Variants in ASCC3 observed in about 807,000 individuals in gnomAD.
ASCC3 encodes activating signal cointegrator 1 complex subunit 3, also known as ASC-1 complex subunit P200.
A neutral mutation model predicts 256.3 loss-of-function variants in ASCC3; 158 were observed. The ratio of observed to expected loss-of-function variants is 0.62; its 90% CI spans 0.54 to 0.70. The LOEUF is 0.70. Ranked by LOEUF, ASCC3 falls within the 30% of genes least tolerant of loss-of-function variation. The pLI, the probability that ASCC3 is intolerant of heterozygous loss-of-function variation, is 0.00. For synonymous variants in ASCC3, 948 were observed against 883.4 expected (o/e 1.07, Z -1.30); for missense variants, 2,259 against 2,626.0 (o/e 0.86, Z 3.05).
intron 30 of ASCC3, among the ~76,000 whole-genome samples, chr6:100,620,178 G>T (rs1238681273): frequency 1.3e-5 from 2 of 152,072 alleles, no homozygotes; most frequent in Non-Finnish European, 2.9e-5. Context: ...GGAAACTCAG[G>T]CATTCAACTC....
intron 40 of ASCC3, among the ~76,000 whole-genome samples, chr6:100,512,368 C>T (rs919485298): frequency 4.6e-5 from 7 of 152,094 alleles, no homozygotes; most frequent in Admixed American, 2.0e-4. Flanking sequence ...TTGAGATTCC[C>T]GCCTCCTTGA....
intron 24 of ASCC3, among the ~76,000 whole-genome samples, chr6:100,639,101 A>G (rs1774988677): frequency 6.6e-6 from 1 of 152,238 alleles, no homozygotes; most frequent in Admixed American, 6.5e-5. Flanking sequence ...AGTCATTTGA[A>G]TAACAAGTAT....
chr6:100,697,807 T>C (rs1289858829), intron 13 of ASCC3, among the ~76,000 whole-genome samples: 2 of 152,056 alleles, frequency 1.3e-5, no homozygotes, highest in Non-Finnish European at 2.9e-5. Context: ...CGGAAGGAAT[T>C]TTTCCATGAA....
rs10485294 is a variant in ASCC3 at position 100,806,215 on chromosome 6, G to T, written c.802-335C>A. 0.013 allele frequency among the ~76,000 whole-genome samples: 1,931 copies of T among 151,950 alleles called. 100 individuals are homozygous for T. The East Asian group carries it at 0.15, about 12-fold the overall frequency. ...AATTTGCTCTTCAACATATCATTCTGGTTTTCCCAAATAGAGTCCAGAGTA... is the reference window on the plus strand; with the variant it reads ...AATTTGCTCTTCAACATATCATTCTTGTTTTCCCAAATAGAGTCCAGAGTA... On this transcript the variant is annotated intron_variant, in intron 4 of 41. Coordinates refer to ENST00000369162, the MANE Select transcript of ASCC3 (RefSeq NM_006828.4).
intron 8 of ASCC3, among the ~76,000 whole-genome samples, chr6:100,793,616 C>T (rs1375364873): frequency 6.6e-6 from 1 of 151,934 alleles, no homozygotes; most frequent in Non-Finnish European, 1.5e-5. Flanking sequence ...AGGAAGGAAA[C>T]ACAAATGTGG....
chr6:100,827,575 C>T (rs1227754422), intron 4 of ASCC3, among the ~76,000 whole-genome samples: 1 of 152,068 alleles, frequency 6.6e-6, no homozygotes, highest in East Asian at 1.9e-4. Flanking sequence ...TACCCATTTA[C>T]CTAATGAAGG....
intron 33 of ASCC3, among the ~76,000 whole-genome samples, chr6:100,602,470 A>T (rs1009707796): frequency 3.3e-5 from 5 of 152,056 alleles, no homozygotes; most frequent in Non-Finnish European, 7.4e-5. Context: ...GACAAAAAAA[A>T]AGCTACTGAC....
At chr6:100,777,199 T>G (rs192161741) in intron 8 of ASCC3, among the ~76,000 whole-genome samples, 1 of 152,274 alleles carries the variant, frequency 6.6e-6, no homozygotes, top group East Asian at 1.9e-4. Context: ...ATTTTTTCAT[T>G]TAAAGGTCTT....
In ASCC3 at chr6:100,608,180, GTGTGTGT is replaced by G. The variant is rs1773079102; in HGVS notation, c.4786-1099_4786-1093del. Among the ~76,000 whole-genome samples, 24 of 19,912 alleles carry G rather than the reference GTGTGTGT, an allele frequency of 1.2e-3. 2 individuals are homozygous for G. The highest frequency in any genetic ancestry group is 3.2e-3 in the African/African-American group (23 of 7,286). 13.1% of individuals were successfully genotyped at this position (19,912 alleles called of 152,430 possible). On this transcript the variant is annotated intron_variant, in intron 30 of 41. Coordinates refer to ENST00000369162, the MANE Select transcript of ASCC3 (RefSeq NM_006828.4). ...CATATTTATATACATATTTATATAT[GTGTGTGT>G]ATATATATACTTTATATATATACTT...
intron 4 of ASCC3, among the ~76,000 whole-genome samples, chr6:100,818,182 C>A (rs1022934322): frequency 2.0e-5 from 3 of 152,070 alleles, no homozygotes; most frequent in African/African-American, 7.2e-5. Flanking sequence ...GAAAAAAGAA[C>A]TGGAAAAAAT....
chr6:100,616,704 C>T (rs1370977768), intron 30 of ASCC3, among the ~76,000 whole-genome samples: 2 of 152,170 alleles, frequency 1.3e-5, no homozygotes, highest in Non-Finnish European at 2.9e-5. Context: ...TTAAAACATT[C>T]ATGGCAAAAG....
chr6:100,774,529 C>T (rs1364116198), intron 8 of ASCC3, among the ~76,000 whole-genome samples: 1 of 151,348 alleles, frequency 6.6e-6, no homozygotes, highest in African/African-American at 2.4e-5. Context: ...CCACGCCTGG[C>T]TAATTTTTTG....
chr6:100,779,979 AC>A (rs1419518277), intron 8 of ASCC3, among the ~76,000 whole-genome samples: 4 of 152,304 alleles, frequency 2.6e-5, no homozygotes, highest in South Asian at 4.1e-4. Flanking sequence ...AAAATAAACA[AC>A]TGAAAAATAT....
At chr6:100,791,265 TAA>T (rs1205962332) in intron 8 of ASCC3, among the ~76,000 whole-genome samples, 5 of 151,898 alleles carry the variant, frequency 3.3e-5, no homozygotes, top group African/African-American at 4.8e-5. Flanking sequence ...CTGAGAATTT[TAA>T]AAGTTTTTCC....
intron 37 of ASCC3, among the ~76,000 whole-genome samples, chr6:100,524,341 T>C (rs569835371): frequency 2.0e-5 from 3 of 152,282 alleles, no homozygotes; most frequent in Non-Finnish European, 4.4e-5. Context: ...TTTTTGAAAA[T>C]CTAAAATTTT....
chr6:100,523,427 G>C (rs996395119), intron 37 of ASCC3, among the ~76,000 whole-genome samples: 1 of 152,106 alleles, frequency 6.6e-6, no homozygotes, highest in African/African-American at 2.4e-5. Context: ...CAGGAAATAA[G>C]CTATACAGAG....
chr6:100,677,907 A>G (rs1388813697), intron 14 of ASCC3, among the ~76,000 whole-genome samples: 5 of 152,156 alleles, frequency 3.3e-5, no homozygotes, highest in African/African-American at 4.8e-5. Context: ...TTCTTCCAGC[A>G]TAGTGATCTG....
intron 37 of ASCC3, chr6:100,530,427 T>C: frequency 1.3e-5 from 11 of 874,564 alleles, no homozygotes; most frequent in East Asian, 2.4e-5. Context: ...TCCTGAACTT[T>C]ATATATGAGA....
intron 9 of ASCC3, 125 bp downstream of exon 9, chr6:100,767,020 A>G: frequency 1.0e-6 from 1 of 992,132 alleles, no homozygotes; most frequent in South Asian, 1.4e-5. Context: ...TAAATCAAAC[A>G]GTATTACTTA....
Sources: allele counts gnomAD v4.1 joint callset (sites outside exome capture counted in the v4.1 genomes callset), GRCh38; gene constraint gnomAD v4.1.1; transcripts MANE v1.5; gene names NCBI Gene and HGNC (gene_info 2026-07-23, HGNC 2026-07-21).